CDC25C: variants seen among roughly 807,000 people sequenced by gnomAD.
The protein encoded by CDC25C is M-phase inducer phosphatase 3.
Under a neutral mutation model 52.5 loss-of-function variants are expected in CDC25C, and 48 were observed. The ratio of observed to expected loss-of-function variants is 0.91; its 90% CI spans 0.72 to 1.16. The LOEUF (loss-of-function observed/expected upper bound fraction) is 1.16, where lower values mean the gene tolerates loss of function less well. CDC25C is among the 50% of genes most tolerant of loss of function. The pLI, the probability that CDC25C is intolerant of heterozygous loss-of-function variation, is 0.00. For synonymous variants in CDC25C, 187 were observed against 206.5 expected (o/e 0.91, Z 0.81); for missense variants, 510 against 566.1 (o/e 0.90, Z 1.01).
chr5:138,325,677 A>C, intron 6 of CDC25C, 138 bp downstream of exon 6: 4 of 647,746 alleles, frequency 6.2e-6, no homozygotes, highest in Non-Finnish European at 1.0e-5. Context: ...AAAACAAAGA[A>C]ATTTTCTCCC....
chr5:138,306,509 T>C (rs1167541757), intron 7 of CDC25C, among the ~76,000 whole-genome samples: 1 of 152,116 alleles, frequency 6.6e-6, no homozygotes, highest in African/African-American at 2.4e-5. Flanking sequence ...AGGGTCTCAC[T>C]CTGTCACCCA....
At position 138,285,743 on chromosome 5, in the gene CDC25C, C is replaced by T; in HGVS notation, c.1371G>A (p.Glu457=). ...CRSQSKVQEG[E]RQLREQIALL... ...GGGCAATCTGCTCCCGCAGCTGCCG[C>T]TCCCCTTCCTGCACTTTGCTCTGGC... The change falls in exon 14 of 14, where the codon GAG becomes GAA. Residue 457 remains glutamate, a synonymous_variant. Transcript: ENST00000323760. 6.2e-7 allele frequency: 1 copy of T among 1,614,222 alleles called. No homozygotes were observed. Among genetic ancestry groups the T allele is most frequent in the Non-Finnish European group, 8.5e-7 (1 of 1,180,010 alleles).
At chr5:138,287,311 G>T in intron 10 of CDC25C, 44 bp from the exon 11 acceptor site, 1 of 1,381,572 alleles carries the variant, frequency 7.2e-7, no homozygotes, top group Non-Finnish European at 1.0e-6. Flanking sequence ...CTGCCACTCT[G>T]AGGGAGAGAA....
intron 6 of CDC25C, among the ~76,000 whole-genome samples, chr5:138,321,988 C>T (rs1392207799): frequency 6.6e-6 from 1 of 151,756 alleles, no homozygotes; most frequent in African/African-American, 2.4e-5. Flanking sequence ...GAAATCACTA[C>T]TAATTATTAT....
intron 7 of CDC25C, among the ~76,000 whole-genome samples, 164 bp downstream of exon 7, chr5:138,319,055 G>T (rs1434499575): frequency 1.3e-5 from 2 of 152,094 alleles, no homozygotes; most frequent in Non-Finnish European, 2.9e-5. Context: ...TGACCACATG[G>T]CAAACTGGAG....
At chr5:138,338,139 G>A in exon 1 of CDC25C, 1 of 1,289,792 alleles carries the variant, frequency 7.8e-7, no homozygotes, top group Non-Finnish European at 1.0e-6. Context: ...GACACGACAC[G>A]GAGCTGCGCC....
At chr5:138,312,087 T>C (rs1758495872) in intron 7 of CDC25C, among the ~76,000 whole-genome samples, 2 of 152,220 alleles carry the variant, frequency 1.3e-5, no homozygotes, top group Non-Finnish European at 2.9e-5. Flanking sequence ...GAGACCCTTG[T>C]GCATTGCTGG....
At chr5:138,289,743 A>G (rs1756553472) in intron 9 of CDC25C, among the ~76,000 whole-genome samples, 180 bp from the exon 10 acceptor site, 4 of 152,190 alleles carry the variant, frequency 2.6e-5, no homozygotes, top group Admixed American at 2.6e-4. Context: ...ATCCTAAAGA[A>G]CAAATCAAGG....
chr5:138,329,667 C>A lies in CDC25C; in HGVS notation c.195-20G>T. 7.6e-7 allele frequency: 1 copy of A among 1,317,152 alleles called. No individual in the cohort carries two copies. The allele number at this position is 1,317,152 out of a possible 1,614,324, so 81.6% of individuals were successfully genotyped here. Reference sequence around the variant, plus strand: ...GTTCCTCTGTTGAGACATAATAGTACATCGAAATTCCCATTAGATTATTAT... The same window carrying A: ...GTTCCTCTGTTGAGACATAATAGTAAATCGAAATTCCCATTAGATTATTAT... On this transcript the variant is annotated intron_variant, in intron 2 of 13. Transcript: ENST00000323760.
chr5:138,331,268 T>C (rs1580830519), intron 1 of CDC25C, 50 bp from the exon 2 acceptor site: 1 of 1,228,356 alleles, frequency 8.1e-7, no homozygotes. Context: ...CCCTCAGCTT[T>C]CCTAAACTCC....
upstream of CDC25C, chr5:138,331,902 G>C: frequency 1.0e-6 from 1 of 985,606 alleles, no homozygotes; most frequent in Non-Finnish European, 1.2e-6. Context: ...CCGCGCGCGC[G>C]CCCAGGGCCT....
intron 7 of CDC25C, among the ~76,000 whole-genome samples, chr5:138,302,631 G>A (rs1383119210): frequency 4.6e-5 from 7 of 151,800 alleles, no homozygotes; most frequent in African/African-American, 9.7e-5. Context: ...CCCAGGAGGC[G>A]GAGGTTGTGG....
At chr5:138,325,052 G>A (rs1264264040) in intron 6 of CDC25C, among the ~76,000 whole-genome samples, 2 of 152,162 alleles carry the variant, frequency 1.3e-5, no homozygotes, top group Non-Finnish European at 2.9e-5. Flanking sequence ...CCTGGGCGAT[G>A]GAGCGAGACT....
chr5:138,299,817 C>T (rs1347834164), intron 7 of CDC25C, among the ~76,000 whole-genome samples: 1 of 151,674 alleles, frequency 6.6e-6, no homozygotes, highest in Non-Finnish European at 1.5e-5. Context: ...AGAAAAACAA[C>T]AGAACCAAAA....
chr5:138,295,380 G>A (rs889015607), intron 7 of CDC25C, among the ~76,000 whole-genome samples: 4 of 152,190 alleles, frequency 2.6e-5, no homozygotes, highest in African/African-American at 9.7e-5. Context: ...AGAGGCCAAG[G>A]TGAGTCCAAA....
At chr5:138,295,728 T>C (rs1163748869) in intron 7 of CDC25C, among the ~76,000 whole-genome samples, 1 of 151,992 alleles carries the variant, frequency 6.6e-6, no homozygotes, top group South Asian at 2.1e-4. Flanking sequence ...GGAGAGATAA[T>C]GAAGATGGTA....
At chr5:138,316,173 C>T (rs545204026) in intron 7 of CDC25C, among the ~76,000 whole-genome samples, 278 of 152,324 alleles carry the variant, frequency 1.8e-3, no homozygotes, top group African/African-American at 6.3e-3. Flanking sequence ...GTCTCTGCAG[C>T]CTGCACCCTT....
At chr5:138,322,419 C>T (rs1450947776) in intron 6 of CDC25C, among the ~76,000 whole-genome samples, 1 of 147,568 alleles carries the variant, frequency 6.8e-6, no homozygotes, top group African/African-American at 2.5e-5. Context: ...CCTGCCTCAG[C>T]GTCTTGGGTA....
At chr5:138,297,886 A>C (rs1279991731) in intron 7 of CDC25C, among the ~76,000 whole-genome samples, 1 of 152,218 alleles carries the variant, frequency 6.6e-6, no homozygotes, top group Non-Finnish European at 1.5e-5. Flanking sequence ...AATGAGGAAG[A>C]AAATCATGCA....
Sources: allele counts gnomAD v4.1 joint callset (sites outside exome capture counted in the v4.1 genomes callset), GRCh38; gene constraint gnomAD v4.1.1; transcripts MANE v1.5; gene names NCBI Gene and HGNC (gene_info 2026-07-23, HGNC 2026-07-21).